Variants in LRMDA observed in about 807,000 individuals in gnomAD.
LRMDA encodes leucine rich melanocyte differentiation associated, also known as leucine-rich melanocyte differentiation-associated protein.
In LRMDA, 18 loss-of-function variants were observed where a neutral mutation model predicts 29.8. That is an observed-to-expected ratio of 0.60 (90% CI 0.42 to 0.90). The LOEUF (loss-of-function observed/expected upper bound fraction) is 0.90. LRMDA is among the 40% of genes least tolerant of loss of function. The pLI is 0.00. For synonymous variants in LRMDA, 125 were observed against 109.4 expected (o/e 1.14, Z -0.89); for missense variants, 273 against 273.9 (o/e 1.00, Z 0.02).
intron 5 of LRMDA, among the ~76,000 whole-genome samples, chr10:76,294,937 C>T (rs2132352611): frequency 6.6e-6 from 1 of 152,252 alleles, no homozygotes; most frequent in East Asian, 1.9e-4. Context: ...ATCTAGAGGA[C>T]TAGGTTCAGG....
At chr10:76,366,227 CT>C (rs1274420738) in intron 6 of LRMDA, among the ~76,000 whole-genome samples, 2 of 152,076 alleles carry the variant, frequency 1.3e-5, no homozygotes, top group Non-Finnish European at 2.9e-5. Context: ...TATGCAGACT[CT>C]TTTTTGGTTC....
chr10:75,559,814 G>A (rs12411501), intron 2 of LRMDA, among the ~76,000 whole-genome samples: 1 of 68,668 alleles, frequency 1.5e-5, no homozygotes, highest in African/African-American at 3.2e-5. Flanking sequence ...TCTTGTTTTT[G>A]TCAGGTTTGT....
chr10:76,382,089 T>C (rs143183105), intron 6 of LRMDA, among the ~76,000 whole-genome samples: 80 of 152,254 alleles, frequency 5.3e-4, no homozygotes, highest in African/African-American at 1.9e-3. Flanking sequence ...AAAATGACCA[T>C]AGTAACCCTG....
At chr10:76,139,982 T>C (rs950454329) in intron 5 of LRMDA, among the ~76,000 whole-genome samples, 2 of 152,072 alleles carry the variant, frequency 1.3e-5, no homozygotes, top group African/African-American at 4.8e-5. Context: ...GTGGGGTGAC[T>C]GAAATCAATT....
At chr10:75,815,092 A>G (rs1287495268) in intron 2 of LRMDA, among the ~76,000 whole-genome samples, 5 of 152,176 alleles carry the variant, frequency 3.3e-5, no homozygotes, top group Non-Finnish European at 7.3e-5. Context: ...TCTGCCTGCT[A>G]CCAGCCAACT....
At chr10:75,475,330 C>G (rs907922186) in intron 2 of LRMDA, among the ~76,000 whole-genome samples, 2 of 152,068 alleles carry the variant, frequency 1.3e-5, no homozygotes, top group Non-Finnish European at 1.5e-5. Context: ...TGGCTAGAGC[C>G]CATGCCTTAT....
At chr10:75,582,404 C>CACTTTG (rs1840605394) in intron 2 of LRMDA, among the ~76,000 whole-genome samples, 1 of 152,222 alleles carries the variant, frequency 6.6e-6, no homozygotes, top group Non-Finnish European at 1.5e-5. Flanking sequence ...TTGAAACTGC[C>CACTTTG]AAGGCTTATG....
chr10:76,193,155 C>T (rs946052216), intron 5 of LRMDA, among the ~76,000 whole-genome samples: 4 of 152,106 alleles, frequency 2.6e-5, no homozygotes, highest in Non-Finnish European at 5.9e-5. Context: ...AGTTTCCTTG[C>T]TGTTCCTGCA....
At chr10:75,775,408 A>G (rs1843298733) in intron 2 of LRMDA, among the ~76,000 whole-genome samples, 1 of 152,230 alleles carries the variant, frequency 6.6e-6, no homozygotes, top group Non-Finnish European at 1.5e-5. Context: ...GGCATGCACA[A>G]CTGTGCCCGG....
intron 5 of LRMDA, among the ~76,000 whole-genome samples, chr10:76,227,243 A>T (rs940826233): frequency 6.6e-6 from 1 of 152,250 alleles, no homozygotes; most frequent in Non-Finnish European, 1.5e-5. Context: ...AAGTCTACCC[A>T]ATAAGTAATA....
intron 2 of LRMDA, among the ~76,000 whole-genome samples, chr10:75,993,914 C>G (rs12356654): frequency 6.6e-6 from 1 of 152,110 alleles, no homozygotes; most frequent in Non-Finnish European, 1.5e-5. Flanking sequence ...AGATTGTTTT[C>G]TTTTTGATCA....
intron 6 of LRMDA, among the ~76,000 whole-genome samples, chr10:76,389,158 A>T (rs764946584): frequency 6.6e-5 from 10 of 152,162 alleles, no homozygotes; most frequent in Non-Finnish European, 1.3e-4. Flanking sequence ...CTGTGGGTAG[A>T]TGGTTGGAAT....
chr10:76,043,096 T>C (rs1000529120), intron 3 of LRMDA, among the ~76,000 whole-genome samples: 2 of 152,044 alleles, frequency 1.3e-5, no homozygotes, highest in African/African-American at 4.8e-5. Flanking sequence ...CACTCCAGCC[T>C]GGGCGACAGA....
intron 2 of LRMDA, among the ~76,000 whole-genome samples, chr10:75,520,096 C>G (rs1845338858): frequency 6.6e-6 from 1 of 152,210 alleles, no homozygotes; most frequent in African/African-American, 2.4e-5. Flanking sequence ...ACCTTTCTCT[C>G]TGGCTGCCCT....
chr10:75,515,231 G>A (rs1294981939), intron 2 of LRMDA, among the ~76,000 whole-genome samples: 1 of 152,178 alleles, frequency 6.6e-6, no homozygotes, highest in Non-Finnish European at 1.5e-5. Context: ...TGGTGGTGGG[G>A]AGTAGGGAAT....
At chr10:75,933,341 T>C (rs1445502797) in intron 2 of LRMDA, among the ~76,000 whole-genome samples, 1 of 152,162 alleles carries the variant, frequency 6.6e-6, no homozygotes, top group Non-Finnish European at 1.5e-5. Flanking sequence ...TCATTACTAA[T>C]GGAGAAATAG....
intron 6 of LRMDA, among the ~76,000 whole-genome samples, chr10:76,426,050 C>T (rs1440574462): frequency 3.9e-5 from 6 of 152,080 alleles, no homozygotes; most frequent in African/African-American, 7.2e-5. Context: ...TGAGTAGTGC[C>T]GCAAATAAAC....
At chr10:75,608,129 T>TATATATATATATATATATAC (rs11271217) in intron 2 of LRMDA, among the ~76,000 whole-genome samples, 1 of 89,546 alleles carries the variant, frequency 1.1e-5, no homozygotes, top group Non-Finnish European at 2.7e-5. Flanking sequence ...TATATATATA[T>TATATATATATATATATATAC]ACACACACAT....
At chr10:76,395,838 G>A (rs1203696380) in intron 6 of LRMDA, among the ~76,000 whole-genome samples, 1 of 152,196 alleles carries the variant, frequency 6.6e-6, no homozygotes. Flanking sequence ...TTCTAAAACA[G>A]TGTGAAAACA....
Sources: allele counts gnomAD v4.1 joint callset (sites outside exome capture counted in the v4.1 genomes callset), GRCh38; gene constraint gnomAD v4.1.1; transcripts MANE v1.5; gene names NCBI Gene and HGNC (gene_info 2026-07-23, HGNC 2026-07-21).